The following DSCAM variants were observed in gnomAD, a reference collection of about 807,000 sequenced individuals.
The protein encoded by DSCAM is cell adhesion molecule DSCAM.
DSCAM carries 47 observed loss-of-function variants against 217.7 expected under a neutral mutation model. The observed-to-expected ratio is 0.22, with a 90% confidence interval of 0.17 to 0.28. DSCAM has a LOEUF of 0.28. DSCAM is among the 10% of genes least tolerant of loss of function. The probability of loss-of-function intolerance (pLI) is 1.00; values close to 1 mark genes in which losing one functional copy is unlikely to be tolerated. For missense variants in DSCAM, 2,080 were observed against 2,618.3 expected (o/e 0.79, Z 4.49); for synonymous variants, 1,056 against 1,015.3 (o/e 1.04, Z -0.76).
rs1211915168 is a variant in DSCAM, at chr21:40,629,074, GTGGTGTGTGTGTGTGT to G, written c.508+63720_508+63735del. On this transcript the variant is annotated intron_variant, in intron 3 of 32. Coordinates refer to ENST00000400454, the MANE Select transcript of DSCAM (RefSeq NM_001389.5). ...GTATGTGTGTGTAGTATGTGTGTGTGTGGTGTGTGTGTGTGTGTGTGTGTGTGTGTGTGTGTGTGTG... is the reference window on the plus strand; with the variant it reads ...GTATGTGTGTGTAGTATGTGTGTGTGGTGTGTGTGTGTGTGTGTGTGTGTG... Among the ~76,000 whole-genome samples, 188 of 133,478 alleles carry G rather than the reference GTGGTGTGTGTGTGTGT, an allele frequency of 1.4e-3. 2 individuals are homozygous for G. The highest frequency in any genetic ancestry group is 5.1e-3 in the African/African-American group (176 of 34,630). 87.6% of individuals were successfully genotyped at this position (133,478 alleles called of 152,430 possible).
At chr21:40,420,818 G>A (rs1030143268) in intron 3 of DSCAM, among the ~76,000 whole-genome samples, 5 of 152,056 alleles carry the variant, frequency 3.3e-5, no homozygotes, top group Non-Finnish European at 5.9e-5. Flanking sequence ...ACCAGCAAAC[G>A]ACCAGAAGCT....
intron 3 of DSCAM, among the ~76,000 whole-genome samples, chr21:40,407,723 G>A (rs1362070199): frequency 6.6e-6 from 1 of 152,194 alleles, no homozygotes; most frequent in Non-Finnish European, 1.5e-5. Flanking sequence ...AGACAGGTGG[G>A]AGGCCACTTT....
At chr21:40,757,227 A>G (rs941504416) in intron 1 of DSCAM, among the ~76,000 whole-genome samples, 1 of 151,722 alleles carries the variant, frequency 6.6e-6, no homozygotes, top group African/African-American at 2.4e-5. Context: ...GGGTTTCACC[A>G]TGTTAGCCAA....
At chr21:40,681,383 G>A (rs2090398627) in intron 3 of DSCAM, among the ~76,000 whole-genome samples, 1 of 152,216 alleles carries the variant, frequency 6.6e-6, no homozygotes, top group Non-Finnish European at 1.5e-5. Context: ...GCTGGATGCT[G>A]GCGCCGCCGG....
intron 11 of DSCAM, among the ~76,000 whole-genome samples, chr21:40,222,932 T>C (rs2091301078): frequency 6.6e-6 from 1 of 152,230 alleles, no homozygotes; most frequent in Admixed American, 6.5e-5. Context: ...TAAAGTCTAA[T>C]GGAAGTTTCT....
chr21:40,251,149 A>G (rs1429002106), intron 11 of DSCAM, among the ~76,000 whole-genome samples: 2 of 152,264 alleles, frequency 1.3e-5, no homozygotes, highest in Admixed American at 1.3e-4. Flanking sequence ...ACCAGAGTCA[A>G]ATGGGCCATC....
At chr21:40,747,574 T>C (rs1414024378) in intron 1 of DSCAM, among the ~76,000 whole-genome samples, 1 of 151,726 alleles carries the variant, frequency 6.6e-6, no homozygotes, top group African/African-American at 2.4e-5. Flanking sequence ...GAATCTCCCA[T>C]TCAAAAAACT....
intron 3 of DSCAM, among the ~76,000 whole-genome samples, chr21:40,416,495 A>C (rs118053482): frequency 6.6e-6 from 1 of 152,320 alleles, no homozygotes; most frequent in East Asian, 1.9e-4. Flanking sequence ...TCTCTTGTGT[A>C]AATGTTGTCA....
At chr21:40,284,268 A>G (rs2073799100) in intron 10 of DSCAM, among the ~76,000 whole-genome samples, 1 of 152,246 alleles carries the variant, frequency 6.6e-6, no homozygotes, top group South Asian at 2.1e-4. Context: ...GGACAGAGGT[A>G]TAGTCCTGAG....
chr21:40,172,102 C>T (rs1322437316), intron 15 of DSCAM, among the ~76,000 whole-genome samples: 2 of 152,184 alleles, frequency 1.3e-5, no homozygotes, highest in African/African-American at 4.8e-5. Flanking sequence ...AACATGGTCT[C>T]TACTAAAAAT....
intron 24 of DSCAM, 91 bp from the exon 25 acceptor site, chr21:40,080,431 G>A (rs1333267155): frequency 8.8e-7 from 1 of 1,140,964 alleles, no homozygotes; most frequent in Non-Finnish European, 1.2e-6. Flanking sequence ...GTAATAGAAC[G>A]AGCATTCTCA....
intron 32 of DSCAM, among the ~76,000 whole-genome samples, chr21:40,029,425 TG>T (rs57781076): frequency 0.02 from 2,500 of 125,136 alleles, 70 homozygotes; most frequent in African/African-American, 0.066. Flanking sequence ...CATTTGAGGT[TG>T]TTTTTTTTTT....
At chr21:40,103,386 A>C (rs1221783621) in intron 20 of DSCAM, among the ~76,000 whole-genome samples, 1 of 152,214 alleles carries the variant, frequency 6.6e-6, no homozygotes, top group African/African-American at 2.4e-5. Context: ...TTATAGGGTA[A>C]GGGAACTTTT....
At chr21:40,606,199 G>C (rs1219205773) in intron 3 of DSCAM, among the ~76,000 whole-genome samples, 2 of 152,056 alleles carry the variant, frequency 1.3e-5, no homozygotes, top group African/African-American at 2.4e-5. Flanking sequence ...ATCATTTAAT[G>C]CTTCTGAATT....
At chr21:40,315,153 C>G (rs532772969) in intron 8 of DSCAM, among the ~76,000 whole-genome samples, 7 of 152,190 alleles carry the variant, frequency 4.6e-5, no homozygotes, top group African/African-American at 7.2e-5. Context: ...AATCCCAACA[C>G]TTTGGGAGGC....
chr21:40,748,056 C>A (rs2091192211), intron 1 of DSCAM, among the ~76,000 whole-genome samples: 1 of 151,554 alleles, frequency 6.6e-6, no homozygotes, highest in Admixed American at 6.6e-5. Flanking sequence ...GTTATAAAAA[C>A]AACACACCTT....
At chr21:40,133,746 G>C (rs755906061) in intron 19 of DSCAM, 108 bp downstream of exon 19, 22 of 1,362,634 alleles carry the variant, frequency 1.6e-5, no homozygotes, top group Non-Finnish European at 2.1e-5. Flanking sequence ...GGGCAGCAAA[G>C]GTTTGCACTG....
intron 3 of DSCAM, among the ~76,000 whole-genome samples, chr21:40,584,754 G>C (rs954701192): frequency 2.6e-5 from 4 of 152,130 alleles, no homozygotes; most frequent in African/African-American, 7.2e-5. Flanking sequence ...CTATGAACCT[G>C]AAATTGTCAA....
At chr21:40,553,165 AG>A (rs1391640146) in intron 3 of DSCAM, among the ~76,000 whole-genome samples, 1 of 152,268 alleles carries the variant, frequency 6.6e-6, no homozygotes, top group African/African-American at 2.4e-5. Context: ...TAAAAATAAA[AG>A]AAGAAACAGC....
Sources: gnomAD v4.1 joint callset for allele counts (sites outside exome capture counted in the v4.1 genomes callset) on GRCh38, gnomAD v4.1.1 for gene constraint, MANE v1.5 for transcripts, NCBI Gene and HGNC (gene_info 2026-07-23, HGNC 2026-07-21) for gene names.